The following SMYD3 variants were observed in gnomAD, a reference collection of about 807,000 sequenced individuals.
SMYD3 encodes histone-lysine N-methyltransferase SMYD3.
In SMYD3, 36 loss-of-function variants were observed where a neutral mutation model predicts 57.7. That is an observed-to-expected ratio of 0.62 (90% CI 0.48 to 0.82). The LOEUF is 0.82. SMYD3 is among the 40% of genes least tolerant of loss of function. The pLI, the probability that SMYD3 is intolerant of heterozygous loss-of-function variation, is 0.00. For missense variants in SMYD3, 515 were observed against 538.8 expected (o/e 0.96, Z 0.44); for synonymous variants, 211 against 195.0 (o/e 1.08, Z -0.68).
chr1:246,464,282 G>A lies in SMYD3; in HGVS notation c.164+42772C>T, dbSNP rs535556756. On this transcript the variant is annotated intron_variant, in intron 1 of 11. Transcript: ENST00000490107. The stretch of plus-strand genomic sequence containing the variant: ...TGTAGACCCAGCACTTTGGGAGGCC[G>A]AGGTGGGCAAATCACTTGAGCTCAG... Among the ~76,000 whole-genome samples the A allele has an allele frequency of 2.8e-4, 42 of 152,280 alleles. No homozygotes were observed. The South Asian group carries it at 7.9e-3, about 29-fold the overall frequency.
intron 5 of SMYD3, among the ~76,000 whole-genome samples, chr1:246,047,316 C>T (rs974658367): frequency 6.6e-6 from 1 of 152,130 alleles, no homozygotes; most frequent in African/African-American, 2.4e-5. Flanking sequence ...AAAAGTTGAA[C>T]AATTAACCAG....
At chr1:246,111,874 G>T (rs1051117291) in intron 5 of SMYD3, among the ~76,000 whole-genome samples, 2 of 152,208 alleles carry the variant, frequency 1.3e-5, no homozygotes, top group African/African-American at 4.8e-5. Context: ...GACTTCAAGA[G>T]CTTCTTATTA....
chr1:246,314,238 T>A (rs1175904017), intron 5 of SMYD3, among the ~76,000 whole-genome samples: 1 of 152,218 alleles, frequency 6.6e-6, no homozygotes, highest in Non-Finnish European at 1.5e-5. Flanking sequence ...GAGAATATTA[T>A]CAAATATTCT....
At chr1:246,266,444 G>T (rs10924657) in intron 5 of SMYD3, among the ~76,000 whole-genome samples, 38,925 of 151,806 alleles carry the variant, frequency 0.26, 5,704 homozygotes, top group East Asian at 0.59. Flanking sequence ...AGAATGTTTT[G>T]GTATGCCGAT....
At chr1:246,211,174 A>T (rs1030371266) in intron 5 of SMYD3, among the ~76,000 whole-genome samples, 2 of 152,194 alleles carry the variant, frequency 1.3e-5, no homozygotes, top group Non-Finnish European at 2.9e-5. Flanking sequence ...GAGTGAGGGA[A>T]GGTCAGTATA....
At position 246,012,742 on chromosome 1, in the gene SMYD3, C is replaced by T. The variant is rs1045331990; in HGVS notation, c.532-82805G>A. Among the ~76,000 whole-genome samples, 8 of 152,190 alleles carry T rather than the reference C, an allele frequency of 5.3e-5. No individual in the cohort carries two copies. In the South Asian group the frequency reaches 6.2e-4, roughly 12 times the overall value. On this transcript the variant is annotated intron_variant, in intron 5 of 11. Coordinates refer to ENST00000490107, the MANE Select transcript of SMYD3 (RefSeq NM_001167740.2). The stretch of plus-strand genomic sequence containing the variant: ...AGCAGGGAAAAGGCAGAAGGAAAAT[C>T]GACTCCATCACATATGTTCTGATCC...
At chr1:246,001,803 A>AAAGAAGGAT (rs2059052291) in intron 5 of SMYD3, among the ~76,000 whole-genome samples, 1 of 152,162 alleles carries the variant, frequency 6.6e-6, no homozygotes, top group Non-Finnish European at 1.5e-5. Flanking sequence ...TTTGAATATC[A>AAAGAAGGAT]ATGCTCTGCC....
intron 10 of SMYD3, among the ~76,000 whole-genome samples, chr1:245,856,450 A>C (rs955077166): frequency 6.6e-6 from 1 of 152,236 alleles, no homozygotes; most frequent in African/African-American, 2.4e-5. Context: ...ACTTAAAGAG[A>C]TTGTGACCTG....
intron 8 of SMYD3, among the ~76,000 whole-genome samples, chr1:245,864,333 T>C (rs1184478838): frequency 6.6e-6 from 1 of 152,154 alleles, no homozygotes; most frequent in Non-Finnish European, 1.5e-5. Context: ...GCATTGTTCA[T>C]AATAGCCAAA....
chr1:246,100,655 C>T (rs993047252), intron 5 of SMYD3, among the ~76,000 whole-genome samples: 3 of 152,168 alleles, frequency 2.0e-5, no homozygotes, highest in East Asian at 1.9e-4. Context: ...TGGAAAAGGT[C>T]GGCTCTGCCA....
chr1:246,458,830 G>A (rs1028169646), intron 1 of SMYD3, among the ~76,000 whole-genome samples: 3 of 151,954 alleles, frequency 2.0e-5, no homozygotes, highest in Non-Finnish European at 4.4e-5. Context: ...GCCTAACCTA[G>A]TGCCAGGAAC....
chr1:246,422,974 A>G (rs1466687673), intron 1 of SMYD3, among the ~76,000 whole-genome samples: 9 of 152,172 alleles, frequency 5.9e-5, no homozygotes, highest in African/African-American at 1.9e-4. Flanking sequence ...AAACACATAC[A>G]TCACACAGTG....
intron 5 of SMYD3, among the ~76,000 whole-genome samples, chr1:246,201,649 C>T (rs912788442): frequency 2.0e-5 from 3 of 152,166 alleles, no homozygotes; most frequent in African/African-American, 7.2e-5. Flanking sequence ...ACACTTCAAA[C>T]CAAGAAATGT....
intron 5 of SMYD3, among the ~76,000 whole-genome samples, chr1:246,174,779 G>T: frequency 6.6e-6 from 1 of 152,284 alleles, no homozygotes; most frequent in East Asian, 1.9e-4. Context: ...TATTCCAGGA[G>T]AGTGGAGTCT....
chr1:246,306,751 G>C (rs2064985991), intron 5 of SMYD3, among the ~76,000 whole-genome samples: 2 of 152,144 alleles, frequency 1.3e-5, no homozygotes, highest in African/African-American at 4.8e-5. Context: ...CTTCACGCTA[G>C]ACATTTTCAT....
intron 5 of SMYD3, among the ~76,000 whole-genome samples, chr1:246,190,584 C>CAA (rs11302731): frequency 0.029 from 1,791 of 62,130 alleles, 90 homozygotes; most frequent in Non-Finnish European, 0.04. Context: ...GACTCTGTCT[C>CAA]AAAAAAAAAA....
chr1:246,076,466 A>G (rs1054011408), intron 5 of SMYD3, among the ~76,000 whole-genome samples: 1 of 151,692 alleles, frequency 6.6e-6, no homozygotes, highest in African/African-American at 2.4e-5. Context: ...ACAGAATAAA[A>G]TTTTGTTTCA....
intron 5 of SMYD3, among the ~76,000 whole-genome samples, chr1:246,136,700 T>C (rs1489086393): frequency 6.6e-6 from 1 of 152,140 alleles, no homozygotes; most frequent in Non-Finnish European, 1.5e-5. Context: ...TGAACCAACA[T>C]AGGAACCAAT....
At chr1:246,132,100 A>G (rs1558256116) in intron 5 of SMYD3, among the ~76,000 whole-genome samples, 1 of 152,174 alleles carries the variant, frequency 6.6e-6, no homozygotes, top group Non-Finnish European at 1.5e-5. Context: ...AAACATGCCC[A>G]TCGGCGACTT....
Sources: allele counts gnomAD v4.1 joint callset (sites outside exome capture counted in the v4.1 genomes callset), GRCh38; gene constraint gnomAD v4.1.1; transcripts MANE v1.5; gene names NCBI Gene and HGNC (gene_info 2026-07-23, HGNC 2026-07-21).